BMERB1: variants seen among roughly 807,000 people sequenced by gnomAD.
BMERB1 encodes the protein bMERB domain-containing protein 1.
A neutral mutation model predicts 23.6 loss-of-function variants in BMERB1; 12 were observed. The observed-to-expected ratio is 0.51, with a 90% CI of 0.33 to 0.82. The LOEUF (loss-of-function observed/expected upper bound fraction) is 0.82. Among genes scored for constraint, BMERB1 ranks in the 40% least tolerant of loss-of-function variants. The pLI is 0.03. For missense variants in BMERB1, 247 were observed against 255.4 expected (o/e 0.97, Z 0.22); for synonymous variants, 122 against 96.6 (o/e 1.26, Z -1.54).
At chr16:15,570,252 C>T (rs1013586580) in intron 3 of BMERB1, among the ~76,000 whole-genome samples, 5 of 152,162 alleles carry the variant, frequency 3.3e-5, no homozygotes, top group African/African-American at 7.2e-5. Flanking sequence ...GAACAGAGAA[C>T]GGTTCTCCAC....
intron 1 of BMERB1, among the ~76,000 whole-genome samples, chr16:15,486,076 T>C (rs1012494966): frequency 6.6e-6 from 1 of 151,660 alleles, no homozygotes; most frequent in Non-Finnish European, 1.5e-5. Context: ...ACCTTGTCTC[T>C]ACTAAAAATA....
intron 3 of BMERB1, among the ~76,000 whole-genome samples, chr16:15,572,521 G>A (rs956119372): frequency 6.6e-6 from 1 of 152,172 alleles, no homozygotes; most frequent in Non-Finnish European, 1.5e-5. Context: ...GCACAACTCT[G>A]CAAATACACT....
chr16:15,505,223 A>G (rs908679430), intron 1 of BMERB1, among the ~76,000 whole-genome samples: 1 of 152,232 alleles, frequency 6.6e-6, no homozygotes, highest in Non-Finnish European at 1.5e-5. Flanking sequence ...TCTATTCTAC[A>G]ACAGGGGATG....
chr16:15,466,254 C>T (rs1183554955), intron 1 of BMERB1, among the ~76,000 whole-genome samples: 1 of 152,130 alleles, frequency 6.6e-6, no homozygotes, highest in Non-Finnish European at 1.5e-5. Context: ...CCTGATCTTT[C>T]CAGACTGTTA....
chr16:15,469,344 A>G (rs777685678), intron 1 of BMERB1, among the ~76,000 whole-genome samples: 2 of 152,110 alleles, frequency 1.3e-5, no homozygotes, highest in African/African-American at 2.4e-5. Context: ...CCCTCAATCT[A>G]TATGTGTATT....
At chr16:15,470,084 G>T (rs1022471867) in intron 1 of BMERB1, among the ~76,000 whole-genome samples, 1 of 152,100 alleles carries the variant, frequency 6.6e-6, no homozygotes, top group Non-Finnish European at 1.5e-5. Context: ...AAAAAATCAG[G>T]TTCTCACCAT....
At position 15,515,404 on chromosome 16, in the gene BMERB1, G is replaced by T; in HGVS notation, c.206G>T (p.Arg69Leu). The change falls in exon 2 of 6, where the codon CGC becomes CTC. Residue 69 changes from arginine (R) to leucine (L), a missense_variant. Coordinates refer to ENST00000300006, the MANE Select transcript of BMERB1 (RefSeq NM_033201.3). The stretch of plus-strand genomic sequence containing the variant: ...CAGCGTCTCCGGGAAGTCTTGGTCC[G>T]CCGGGAGTCTGAGCTCAGGTTCATG... ...KIQRLREVLV[R>L]RESELRFMMD... 6.2e-7 allele frequency: 1 copy of T among 1,613,874 alleles called. No individual in the cohort carries two copies. Among genetic ancestry groups the T allele is most frequent in the South Asian group, 1.1e-5 (1 of 91,058 alleles).
chr16:15,444,736 T>C lies in BMERB1; in HGVS notation c.106+9977T>C, dbSNP rs374363051. Among the ~76,000 whole-genome samples the C allele has an allele frequency of 8.5e-5, 13 of 152,334 alleles. No homozygotes were observed. In the East Asian group the frequency reaches 2.1e-3, roughly 25 times the overall value. On this transcript the variant is annotated intron_variant, in intron 1 of 5. Transcript: ENST00000300006. ...GTTTCTAGTTTATTGGTTATAAGTG[T>C]GGGCTTTCGAGAGAGCTTTTATTTT...
chr16:15,515,770 G>GT (rs548576116), intron 2 of BMERB1, among the ~76,000 whole-genome samples: 7 of 152,002 alleles, frequency 4.6e-5, no homozygotes, highest in Non-Finnish European at 7.4e-5. Flanking sequence ...ATAGGCCTGA[G>GT]TTTTTTTTAA....
intron 1 of BMERB1, among the ~76,000 whole-genome samples, chr16:15,449,041 G>A (rs1236777046): frequency 2.0e-5 from 3 of 152,098 alleles, no homozygotes; most frequent in Admixed American, 2.0e-4. Flanking sequence ...TTCAGAGTAA[G>A]TCACGTCTTT....
chr16:15,495,898 C>T (rs917696731), intron 1 of BMERB1, among the ~76,000 whole-genome samples: 1 of 152,066 alleles, frequency 6.6e-6, no homozygotes, highest in African/African-American at 2.4e-5. Flanking sequence ...TTCCCCAACC[C>T]TAGTTCCAGC....
chr16:15,583,160 CAAG>C lies in BMERB1; in HGVS notation c.432_434del (p.Glu144del). The C allele has an allele frequency of 3.7e-6, 6 of 1,611,534 alleles. No individual in the cohort carries two copies. The highest frequency in any genetic ancestry group is 2.2e-5 in the South Asian group (2 of 91,016). ...TTTACCCATCTACTTTCACAGGGAG[CAAG>C]AAGAAGACAAGGAAATGGCTGATTT... On this transcript the variant is annotated inframe_deletion, in exon 5 of 6. Transcript: ENST00000300006.
intron 1 of BMERB1, among the ~76,000 whole-genome samples, chr16:15,511,264 C>G (rs1239503251): frequency 6.6e-6 from 1 of 152,022 alleles, no homozygotes; most frequent in Non-Finnish European, 1.5e-5. Flanking sequence ...CTCCTCTGAC[C>G]TCTCTCCTTC....
chr16:15,456,869 A>G (rs1446509698), intron 1 of BMERB1, among the ~76,000 whole-genome samples: 1 of 152,104 alleles, frequency 6.6e-6, no homozygotes, highest in East Asian at 1.9e-4. Context: ...TCTTTCGCCC[A>G]GGTTGGAGTG....
intron 1 of BMERB1, among the ~76,000 whole-genome samples, chr16:15,435,477 T>A (rs2050880418): frequency 6.6e-6 from 1 of 152,212 alleles, no homozygotes; most frequent in African/African-American, 2.4e-5. Context: ...ATTAATAGGA[T>A]ACAATAGTTG....
intron 2 of BMERB1, among the ~76,000 whole-genome samples, chr16:15,562,389 G>A (rs2150970165): frequency 6.6e-6 from 1 of 151,450 alleles, no homozygotes; most frequent in South Asian, 2.1e-4. Flanking sequence ...GGCCCTTTGA[G>A]CCAGAGTTGT....
chr16:15,538,430 T>A (rs4781672), intron 2 of BMERB1, among the ~76,000 whole-genome samples: 1 of 151,394 alleles, frequency 6.6e-6, no homozygotes, highest in African/African-American at 2.4e-5. Flanking sequence ...CCAGCCTGGG[T>A]GACAGAGCAA....
At chr16:15,449,282 T>G (rs2051019616) in intron 1 of BMERB1, among the ~76,000 whole-genome samples, 1 of 152,186 alleles carries the variant, frequency 6.6e-6, no homozygotes, top group Admixed American at 6.5e-5. Context: ...CTAAGTGAAC[T>G]AATGCGTGTT....
At chr16:15,512,037 AAGG>A (rs2051673748) in intron 1 of BMERB1, among the ~76,000 whole-genome samples, 1 of 149,272 alleles carries the variant, frequency 6.7e-6, no homozygotes. Flanking sequence ...AAAAAAAAAA[AAGG>A]GGGAATTGTC....
Sources: allele counts gnomAD v4.1 joint callset (sites outside exome capture counted in the v4.1 genomes callset), GRCh38; gene constraint gnomAD v4.1.1; transcripts MANE v1.5; gene names NCBI Gene and HGNC (gene_info 2026-07-23, HGNC 2026-07-21).